Variants in PKNOX2 observed in about 807,000 individuals in gnomAD.
The protein encoded by PKNOX2 is homeobox protein PKNOX2.
PKNOX2 carries 14 observed loss-of-function variants against 53.1 expected under a neutral mutation model. The observed-to-expected ratio is 0.26, with a 90% CI of 0.17 to 0.41. The LOEUF (loss-of-function observed/expected upper bound fraction) is 0.41. PKNOX2 is among the 10% of genes least tolerant of loss of function. The pLI is 1.00. For synonymous variants in PKNOX2, 257 were observed against 242.8 expected, an observed-to-expected ratio of 1.06 and a Z score of -0.54; for missense variants, 496 against 602.8, an observed-to-expected ratio of 0.82 and a Z score of 1.85.
chr11:125,387,690 C>A (rs570758983), intron 6 of PKNOX2, among the ~76,000 whole-genome samples: 24 of 152,328 alleles, frequency 1.6e-4, no homozygotes, highest in African/African-American at 5.5e-4. Context: ...CCAGCGTTCC[C>A]TGGTCTTCCA....
At chr11:125,309,183 T>TCTTC (rs1276486519) in intron 2 of PKNOX2, among the ~76,000 whole-genome samples, 2 of 143,502 alleles carry the variant, frequency 1.4e-5, no homozygotes, top group Admixed American at 6.8e-5. Context: ...TCTCTCTCTT[T>TCTTC]CTTCCTTCCT....
chr11:125,295,228 A>G (rs1001541011), intron 2 of PKNOX2, among the ~76,000 whole-genome samples: 29 of 152,310 alleles, frequency 1.9e-4, no homozygotes, highest in Non-Finnish European at 2.8e-4. Flanking sequence ...CCCTGACAAC[A>G]ATGAACAAGG....
intron 2 of PKNOX2, chr11:125,258,993 T>G (rs1347003324): frequency 4.2e-6 from 1 of 237,782 alleles, no homozygotes; most frequent in Non-Finnish European, 8.9e-6. Flanking sequence ...GAAGTATTTC[T>G]GCATAGTGTC....
chr11:125,166,116 G>C lies in PKNOX2; in HGVS notation c.-201+1340G>C, dbSNP rs988146753. On this transcript the variant is annotated intron_variant, in intron 1 of 12. Coordinates refer to ENST00000298282, the MANE Select transcript of PKNOX2 (RefSeq NM_001382323.2). This position sits in a 1 kb window ranked among gnomAD's most constrained non-coding sequence, Gnocchi z 4.0. ...AGACTGTTTACGGAATCGGGATCGAGGGGCCGATAAGTAGTTTACACGCCG... is the reference window on the plus strand; with the variant it reads ...AGACTGTTTACGGAATCGGGATCGACGGGCCGATAAGTAGTTTACACGCCG... 6.6e-6 allele frequency among the ~76,000 whole-genome samples: 1 copy of C among 152,138 alleles called. No homozygotes were observed. Among genetic ancestry groups the C allele is most frequent in the Non-Finnish European group, 1.5e-5 (1 of 68,038 alleles).
intron 1 of PKNOX2, among the ~76,000 whole-genome samples, chr11:125,178,645 AGAAGGAAGGAAGGAAGGAAGGAAG>A (rs1555108397): frequency 1.1e-4 from 3 of 28,566 alleles, no homozygotes; most frequent in Non-Finnish European, 1.2e-4. Context: ...AAAGAAAGAA[AGAAGGAAGGAAGGAAGGAAGGAAG>A]GAAAGAAAGA....
intron 4 of PKNOX2, among the ~76,000 whole-genome samples, chr11:125,364,959 A>G (rs1952111250): frequency 6.6e-6 from 1 of 152,026 alleles, no homozygotes; most frequent in African/African-American, 2.4e-5. Flanking sequence ...ATGGCAGGAA[A>G]TTCACCTGGA....
chr11:125,265,089 C>A (rs1945208572), intron 2 of PKNOX2, among the ~76,000 whole-genome samples: 2 of 152,134 alleles, frequency 1.3e-5, no homozygotes, highest in Non-Finnish European at 2.9e-5. Flanking sequence ...AAGATTGAGA[C>A]CATCCTGGCT....
chr11:125,231,923 T>G (rs571495747), intron 1 of PKNOX2, among the ~76,000 whole-genome samples: 1 of 152,282 alleles, frequency 6.6e-6, no homozygotes, highest in East Asian at 1.9e-4. Flanking sequence ...GTTCAACACT[T>G]TACTGATGGC....
chr11:125,298,900 G>C (rs1454751504), intron 2 of PKNOX2, among the ~76,000 whole-genome samples: 1 of 152,158 alleles, frequency 6.6e-6, no homozygotes, highest in Non-Finnish European at 1.5e-5. Context: ...AGAGACACCT[G>C]TCACCTTTCT....
chr11:125,290,250 T>A lies in PKNOX2; in HGVS notation c.-129-41569T>A, dbSNP rs372851475. Among the ~76,000 whole-genome samples the A allele has an allele frequency of 9.0e-3, 1,365 of 152,292 alleles. 21 individuals are homozygous for A. The highest frequency in any genetic ancestry group is 0.031 in the African/African-American group (1,278 of 41,566). On this transcript the variant is annotated intron_variant, in intron 2 of 12. Transcript: ENST00000298282. ...TTGCAGCATGCTAATTGGCTACCCCTCCCAAAGCCAGCTCTGCCCAGCTAC... is the reference window on the plus strand; with the variant it reads ...TTGCAGCATGCTAATTGGCTACCCCACCCAAAGCCAGCTCTGCCCAGCTAC...
intron 6 of PKNOX2, among the ~76,000 whole-genome samples, chr11:125,396,374 C>A (rs1191175269): frequency 6.6e-6 from 1 of 151,872 alleles, no homozygotes; most frequent in Non-Finnish European, 1.5e-5. Flanking sequence ...GTCTTTGATC[C>A]ATTTTGAGTT....
At chr11:125,308,412 C>A (rs189968120) in intron 2 of PKNOX2, among the ~76,000 whole-genome samples, 1 of 152,152 alleles carries the variant, frequency 6.6e-6, no homozygotes, top group Non-Finnish European at 1.5e-5. Context: ...GAAGACTCAG[C>A]GGGAGCTGCA....
intron 2 of PKNOX2, among the ~76,000 whole-genome samples, chr11:125,291,274 G>A (rs1220191377): frequency 6.6e-6 from 1 of 152,182 alleles, no homozygotes. Context: ...CCTTCTCCCA[G>A]CAGCTGGTTG....
chr11:125,419,487 A>G (rs1956061171), intron 10 of PKNOX2, among the ~76,000 whole-genome samples: 6 of 151,120 alleles, frequency 4.0e-5, no homozygotes, highest in Admixed American at 3.9e-4. Flanking sequence ...GCTTAGGGAG[A>G]CTGGCCCATT....
chr11:125,397,958 T>G lies in PKNOX2; in HGVS notation c.484T>G (p.Tyr162Asp). 1 of 1,614,146 alleles carries G rather than the reference T, an allele frequency of 6.2e-7. No homozygotes were observed. The highest frequency in any genetic ancestry group is 8.5e-7 in the Non-Finnish European group (1 of 1,180,016). ...NELCKDFCNR[Y>D]ITCLKTKMHS... ...ACTCTGCAAGGACTTTTGTAACCGT[T>G]ACATCACCTGCCTCAAAACCAAGAT... Residue 162 changes from tyrosine (Y) to aspartate (D), a missense_variant, in exon 7 of 13, where the codon TAC becomes GAC. Around this residue, in one of 5 missense-constraint regions of PKNOX2, gnomAD observed 12 missense variants for 37.2 expected, o/e 0.32. Coordinates refer to ENST00000298282, the MANE Select transcript of PKNOX2 (RefSeq NM_001382323.2).
intron 2 of PKNOX2, among the ~76,000 whole-genome samples, chr11:125,282,887 C>T (rs1946656759): frequency 6.6e-6 from 1 of 152,232 alleles, no homozygotes; most frequent in Admixed American, 6.5e-5. Flanking sequence ...CATGCTGGCC[C>T]ATGCCTGTAA....
chr11:125,207,070 G>T (rs190785213), intron 1 of PKNOX2, among the ~76,000 whole-genome samples: 1 of 151,772 alleles, frequency 6.6e-6, no homozygotes, highest in Non-Finnish European at 1.5e-5. Context: ...GGGAGAGTAA[G>T]AGAAAGGAGG....
At chr11:125,298,774 C>T (rs144860941) in intron 2 of PKNOX2, among the ~76,000 whole-genome samples, 17 of 152,280 alleles carry the variant, frequency 1.1e-4, no homozygotes, top group Non-Finnish European at 1.3e-4. Context: ...GACTTTGGCT[C>T]GTGACCTTGA....
chr11:125,383,997 G>A (rs1385255207), intron 5 of PKNOX2, among the ~76,000 whole-genome samples: 1 of 152,160 alleles, frequency 6.6e-6, no homozygotes, highest in Non-Finnish European at 1.5e-5. Flanking sequence ...AGGAGCCTGG[G>A]GAGACAGACC....
Sources: allele counts gnomAD v4.1 joint callset (sites outside exome capture counted in the v4.1 genomes callset), GRCh38; gene constraint gnomAD v4.1.1; regional missense constraint gnomAD v4.1.1; non-coding constraint Gnocchi (gnomAD v3.1); transcripts MANE v1.5; gene names NCBI Gene and HGNC (gene_info 2026-07-23, HGNC 2026-07-21).